Variants in TET3 observed in about 807,000 individuals in gnomAD.
TET3 encodes the protein tet methylcytosine dioxygenase 3.
Under a neutral mutation model 141.4 loss-of-function variants are expected in TET3, and 19 were observed. That is an observed-to-expected ratio of 0.13 (90% CI 0.09 to 0.20). TET3 has a LOEUF of 0.20. TET3 is among the 10% of genes least tolerant of loss of function. The pLI is 1.00. For synonymous variants in TET3, 1,043 were observed against 980.9 expected (o/e 1.06, Z -1.18); for missense variants, 1,874 against 2,356.9 (o/e 0.80, Z 4.24).
chr2:74,074,207 T>C (rs1689366543), intron 5 of TET3, among the ~76,000 whole-genome samples: 1 of 152,170 alleles, frequency 6.6e-6, no homozygotes. Flanking sequence ...TGACAAGATA[T>C]CCTGGGTTCA....
chr2:74,113,484 T>C, the TET3 span, among the ~76,000 whole-genome samples: 1 of 151,744 alleles, frequency 6.6e-6, no homozygotes, highest in Non-Finnish European at 1.5e-5. Context: ...GGCATCCAAA[T>C]GGAAAAGGAG....
chr2:74,015,803 A>G (rs955077966), intron 3 of TET3, among the ~76,000 whole-genome samples: 4 of 152,152 alleles, frequency 2.6e-5, no homozygotes, highest in Admixed American at 6.5e-5. Context: ...GATAATATCT[A>G]TCAAATTTAC....
intron 3 of TET3, among the ~76,000 whole-genome samples, chr2:74,034,575 TA>T (rs57991784): frequency 0.11 from 14,306 of 129,992 alleles, 1,531 homozygotes; most frequent in African/African-American, 0.29. Flanking sequence ...GAGCATTGAT[TA>T]AAAAAAAAAA....
In TET3 at chr2:74,052,426, A is replaced by T. The variant is rs1326283760; in HGVS notation, c.2494+4015A>T. ...ATCCCCTCACCAGTGGTAGGTAGAGAGTTATAGGTTAATATAAGGAAGAAT... is the reference window on the plus strand; with the variant it reads ...ATCCCCTCACCAGTGGTAGGTAGAGTGTTATAGGTTAATATAAGGAAGAAT... On this transcript the variant is annotated intron_variant, in intron 4 of 11. Coordinates refer to ENST00000409262, the MANE Select transcript of TET3 (RefSeq NM_001287491.2). 2.6e-5 allele frequency among the ~76,000 whole-genome samples: 4 copies of T among 152,088 alleles called. No homozygotes were observed. In the East Asian group the frequency reaches 7.7e-4, roughly 29 times the overall value.
At chr2:74,022,094 C>CCTTTTTTTTTTTTTTTTTT (rs57671706) in intron 3 of TET3, among the ~76,000 whole-genome samples, 1 of 82,766 alleles carries the variant, frequency 1.2e-5, no homozygotes, top group Non-Finnish European at 2.3e-5. Flanking sequence ...TTCTAGGACA[C>CCTTTTTTTTTTTTTTTTTT]TTTTTTTTTT....
chr2:74,120,305 G>A, the TET3 span, among the ~76,000 whole-genome samples: 2 of 152,242 alleles, frequency 1.3e-5, no homozygotes, highest in Admixed American at 1.3e-4. Context: ...CGGCGGCAGG[G>A]GGCGACCTCT....
intron 4 of TET3, among the ~76,000 whole-genome samples, chr2:74,064,588 T>C (rs1688778201): frequency 6.6e-6 from 1 of 152,112 alleles, no homozygotes; most frequent in Middle Eastern, 3.2e-3. Context: ...GTTTATTTGT[T>C]TTTTGGTAGA....
chr2:74,091,549 C>G (rs1054915249), intron 8 of TET3, among the ~76,000 whole-genome samples: 1 of 152,270 alleles, frequency 6.6e-6, no homozygotes, highest in Non-Finnish European at 1.5e-5. Flanking sequence ...TCACCCCCTG[C>G]TGTGCTGGTG....
intron 11 of TET3, 90 bp from the exon 12 acceptor site, chr2:74,100,303 A>G: frequency 7.6e-7 from 1 of 1,322,284 alleles, no homozygotes; most frequent in Non-Finnish European, 1.0e-6. Flanking sequence ...CCTGGGAAAG[A>G]GGGAGGGTCC....
chr2:74,113,201 A>G, the TET3 span, among the ~76,000 whole-genome samples: 1 of 152,018 alleles, frequency 6.6e-6, no homozygotes, highest in African/African-American at 2.4e-5. Context: ...CCTGGCCAAC[A>G]TGGTGAAACC....
Position 74,093,750 on chromosome 2 carries a change from A to T in TET3, c.3267+84A>T. The stretch of plus-strand genomic sequence containing the variant: ...GTGGTCTTTTCAGAAAGGCAGGCTG[A>T]GGGTAGGGAGGGACCTGGAGACAGG... On this transcript the variant is annotated intron_variant, in intron 10 of 11. Coordinates refer to ENST00000409262, the MANE Select transcript of TET3 (RefSeq NM_001287491.2). This position sits in a 1 kb window ranked among gnomAD's most constrained non-coding sequence, Gnocchi z 4.2. The T allele has an allele frequency of 7.0e-7, 1 of 1,432,546 alleles. No individual in the cohort carries two copies. The highest frequency in any genetic ancestry group is 9.2e-7 in the Non-Finnish European group (1 of 1,084,454). The allele number at this position is 1,432,546 out of a possible 1,614,324, so 88.7% of individuals were successfully genotyped here. A position where few individuals can be genotyped will look rare whatever the true frequency, so the allele number is the denominator to read the frequency against.
At chr2:74,098,541 TG>T (rs1690979964) in intron 10 of TET3, among the ~76,000 whole-genome samples, 1 of 152,160 alleles carries the variant, frequency 6.6e-6, no homozygotes, top group South Asian at 2.1e-4. Flanking sequence ...GTTTCCTTTT[TG>T]CTTGCCTAAA....
chr2:74,061,581 G>A (rs1307314256), intron 4 of TET3, among the ~76,000 whole-genome samples: 1 of 147,114 alleles, frequency 6.8e-6, no homozygotes, highest in Admixed American at 6.6e-5. Context: ...CGGGGCGGCT[G>A]GCCGGGCGGG....
At position 74,100,410 on chromosome 2, in the gene TET3, G is replaced by A; in HGVS notation, c.3622G>A (p.Gly1208Arg). The A allele has an allele frequency of 6.4e-7, 1 of 1,564,946 alleles. No homozygotes were observed. Among genetic ancestry groups the A allele is most frequent in the South Asian group, 1.2e-5 (1 of 84,752 alleles). Residue 1208 changes from glycine to arginine, a missense_variant, in exon 12 of 12, where the codon GGA (glycine) becomes AGA (arginine). Gly to Arg is a moderately radical substitution (Grantham distance 125, BLOSUM62 -2). Around this residue, in one of 10 missense-constraint regions of TET3, gnomAD observed 602 missense variants for 590.2 expected, o/e 1.02. Transcript: ENST00000409262. The part of the protein sequence containing the change: ...TSDPGLSLKG[G>R]LSQQGLKPSL... ...TTCCCCAGGCCTGTCTCTGAAGGGT[G>A]GATTGTCCCAGCAAGGCCTGAAGCC...
At chr2:74,135,208 C>T in the TET3 span, 1 of 294,798 alleles carries the variant, frequency 3.4e-6, no homozygotes, top group East Asian at 7.2e-5. Context: ...ACGAAAAGAA[C>T]AGCAATAGTA....
At chr2:73,985,234 A>G (rs940055223) in intron 1 of TET3, 77 bp downstream of exon 1, 10 of 65,368 alleles carry the variant, frequency 1.5e-4, no homozygotes, top group African/African-American at 3.4e-4. Flanking sequence ...GGCCCGGGGG[A>G]GGGGGAGGGG....
Position 74,047,067 on chromosome 2 carries a change from C to T in TET3, c.1150C>T (p.Leu384Phe). The T allele has an allele frequency of 1.2e-6, 2 of 1,614,002 alleles. No individual in the cohort carries two copies. The highest frequency in any genetic ancestry group is 1.7e-6 in the Non-Finnish European group (2 of 1,179,864). Residue 384 changes from leucine to phenylalanine, a missense_variant, in exon 4 of 12, where the codon CTT becomes TTT. Physicochemically the swap from Leu to Phe is conservative, Grantham distance 22. Around this residue, in one of 10 missense-constraint regions of TET3, gnomAD observed 484 missense variants for 462.2 expected, o/e 1.05. Coordinates refer to ENST00000409262, the MANE Select transcript of TET3 (RefSeq NM_001287491.2). ...TTCCACCCCCCAGGCTTCTTGCCCC[C>T]TTCCTGAGGCCTTGTCACCTCCTGC... ...SHSTPQASCP[L>F]PEALSPPAPF...
intron 2 of TET3, among the ~76,000 whole-genome samples, chr2:73,991,805 C>CGA (rs1684339114): frequency 1.3e-5 from 1 of 79,624 alleles, no homozygotes; most frequent in Non-Finnish European, 2.4e-5. Context: ...AACTCTGTCT[C>CGA]AAAAAAAAAA....
intron 5 of TET3, among the ~76,000 whole-genome samples, chr2:74,075,362 T>C (rs572008535): frequency 1.5e-4 from 20 of 132,302 alleles, no homozygotes; most frequent in Non-Finnish European, 2.2e-4. Context: ...CGGAATCTGC[T>C]CTGTCCTCCA....
Sources: allele counts gnomAD v4.1 joint callset (sites outside exome capture counted in the v4.1 genomes callset), GRCh38; gene constraint gnomAD v4.1.1; regional missense constraint gnomAD v4.1.1; non-coding constraint Gnocchi (gnomAD v3.1); transcripts MANE v1.5; gene names NCBI Gene and HGNC (gene_info 2026-07-23, HGNC 2026-07-21).